The following PTK2 variants were observed in gnomAD, a reference collection of about 807,000 sequenced individuals.
PTK2 encodes focal adhesion kinase 1.
A neutral mutation model predicts 150.1 loss-of-function variants in PTK2; 45 were observed. That is an observed-to-expected ratio of 0.30 (90% CI 0.24 to 0.38). The LOEUF (loss-of-function observed/expected upper bound fraction) is 0.38. PTK2 is among the 10% of genes least tolerant of loss of function. The pLI is 1.00. For missense variants in PTK2, 919 were observed against 1,307.3 expected (o/e 0.70, Z 4.58); for synonymous variants, 432 against 449.2 (o/e 0.96, Z 0.48).
chr8:140,755,672 C>T (rs987783274), intron 16 of PTK2, among the ~76,000 whole-genome samples: 2 of 152,120 alleles, frequency 1.3e-5, no homozygotes, highest in Non-Finnish European at 2.9e-5. Context: ...ATTTAGCGTA[C>T]GTCTTTTTTG....
chr8:140,793,433 G>C (rs373135941), intron 12 of PTK2, 49 bp from the exon 13 acceptor site: 2 of 1,588,858 alleles, frequency 1.3e-6, no homozygotes, highest in Non-Finnish European at 1.7e-6. Flanking sequence ...CACTCCTTTT[G>C]AAAAGATGGT....
intron 5 of PTK2, among the ~76,000 whole-genome samples, chr8:140,855,696 A>G (rs927641788): frequency 5.3e-5 from 8 of 152,226 alleles, no homozygotes; most frequent in African/African-American, 1.9e-4. Context: ...ACAAAGGACT[A>G]GTATACAAGG....
At chr8:140,718,823 C>G (rs1327245598) in intron 22 of PTK2, 1 of 152,204 alleles carries the variant, frequency 6.6e-6, no homozygotes, top group African/African-American at 2.4e-5. Context: ...AGCAAACCAT[C>G]ACTACAGATG....
At position 140,743,833 on chromosome 8, in the gene PTK2, A is replaced by C. The variant is rs369342122; in HGVS notation, c.1635-503T>G. ...CGCTCTGTTGCCCAGGCTGGAGGGC[A>C]GTGGCACGATCTCGGCTTACTGCAA... is the stretch of plus-strand genomic sequence containing the variant. On this transcript the variant is annotated intron_variant, in intron 19 of 31. Coordinates refer to ENST00000522684, the Ensembl canonical transcript of PTK2. 2.1e-4 allele frequency among the ~76,000 whole-genome samples: 31 copies of C among 149,496 alleles called. No individual in the cohort carries two copies. In the East Asian group the frequency reaches 4.7e-3, roughly 23 times the overall value.
At chr8:140,830,376 A>G in intron 8 of PTK2, 96 bp downstream of exon 8, 1 of 742,810 alleles carries the variant, frequency 1.3e-6, no homozygotes, top group South Asian at 1.9e-5. Context: ...GTAAGGAAGG[A>G]AACTACATTT....
chr8:140,727,361 C>T (rs1001299090), intron 22 of PTK2, among the ~76,000 whole-genome samples: 1 of 151,874 alleles, frequency 6.6e-6, no homozygotes, highest in African/African-American at 2.4e-5. Context: ...GGGAAGACTG[C>T]GGGCCAAAAC....
chr8:140,782,464 T>C (rs901646527), intron 14 of PTK2, among the ~76,000 whole-genome samples: 12 of 152,114 alleles, frequency 7.9e-5, no homozygotes, highest in Admixed American at 4.6e-4. Flanking sequence ...TCTCAAACTC[T>C]TGGGCTCAAG....
intron 1 of PTK2, among the ~76,000 whole-genome samples, chr8:140,969,083 A>AC (rs1215484137): frequency 3.3e-5 from 5 of 152,242 alleles, no homozygotes; most frequent in African/African-American, 1.2e-4. Flanking sequence ...GAACAGAGTA[A>AC]CTGCAGAAGC....
intron 4 of PTK2, among the ~76,000 whole-genome samples, chr8:140,877,763 T>C (rs2100146543): frequency 6.6e-6 from 1 of 152,068 alleles, no homozygotes; most frequent in Non-Finnish European, 1.5e-5. Context: ...TAAATTTTTC[T>C]TCCTTTTGAG....
chr8:140,995,044 T>C (rs1461109416), intron 1 of PTK2, among the ~76,000 whole-genome samples: 5 of 149,286 alleles, frequency 3.3e-5, no homozygotes, highest in African/African-American at 5.0e-5. Flanking sequence ...GATCTCGCCA[T>C]TGCACTCCAT....
intron 1 of PTK2, among the ~76,000 whole-genome samples, chr8:140,996,912 A>G (rs1219206597): frequency 6.6e-6 from 1 of 152,238 alleles, no homozygotes; most frequent in Non-Finnish European, 1.5e-5. Context: ...AATATATTTC[A>G]TAAGGGTATA....
At chr8:140,870,169 A>G (rs1016359708) in intron 4 of PTK2, among the ~76,000 whole-genome samples, 1 of 152,212 alleles carries the variant, frequency 6.6e-6, no homozygotes, top group African/African-American at 2.4e-5. Context: ...AGTCAACACC[A>G]TAAAATTGTT....
chr8:140,701,616 T>A (rs975696668), intron 25 of PTK2, among the ~76,000 whole-genome samples: 3 of 152,122 alleles, frequency 2.0e-5, no homozygotes, highest in Non-Finnish European at 2.9e-5. Context: ...CCAAGAAAAT[T>A]TAGTAAAAAT....
chr8:140,766,718 G>A (rs552097217), intron 14 of PTK2, among the ~76,000 whole-genome samples: 121 of 151,286 alleles, frequency 8.0e-4, no homozygotes, highest in African/African-American at 2.9e-3. Flanking sequence ...CTGAGGCAAA[G>A]GATTTAATCT....
chr8:140,885,084 T>C (rs1339602184), intron 3 of PTK2, among the ~76,000 whole-genome samples: 1 of 152,200 alleles, frequency 6.6e-6, no homozygotes, highest in African/African-American at 2.4e-5. Context: ...CATACAGTAT[T>C]TGCCCAGTAC....
At chr8:140,769,675 G>C in intron 14 of PTK2, 83 bp from the exon 16 acceptor site, 10 of 822,468 alleles carry the variant, frequency 1.2e-5, no homozygotes, top group African/African-American at 1.8e-5. Flanking sequence ...GGAAGAGAGG[G>C]GAAAACACTA....
rs187322174 is a variant in PTK2 at position 140,658,723 on chromosome 8, T to A, written c.*743A>T. ...ACTTCTCCTCAATGCAGTTTGGAGG[T>A]GCTCTGGTACAAAGCATTTCTGCTT... On this transcript the variant is annotated 3_prime_UTR_variant, in exon 32 of 32. Coordinates refer to ENST00000522684, the Ensembl canonical transcript of PTK2. 280 of 218,824 alleles carry A rather than the reference T, an allele frequency of 1.3e-3. 1 individual carries two copies. Among genetic ancestry groups the A allele is most frequent in the Non-Finnish European group, 1.1e-3 (119 of 108,902 alleles). 13.6% of individuals were successfully genotyped at this position (218,824 alleles called of 1,614,324 possible).
At chr8:140,686,010 TA>T (rs958389634) in intron 27 of PTK2, among the ~76,000 whole-genome samples, 1 of 152,208 alleles carries the variant, frequency 6.6e-6, no homozygotes, top group African/African-American at 2.4e-5. Context: ...ATAGACTGGA[TA>T]AAGAAAATGT....
At chr8:140,877,550 T>C (rs1214663655) in intron 4 of PTK2, among the ~76,000 whole-genome samples, 1 of 152,146 alleles carries the variant, frequency 6.6e-6, no homozygotes, top group African/African-American at 2.4e-5. Context: ...TCCTAGGGTT[T>C]GGGGACAGTT....
Sources: allele counts gnomAD v4.1 joint callset (sites outside exome capture counted in the v4.1 genomes callset), GRCh38; gene constraint gnomAD v4.1.1; transcripts MANE v1.5; gene names NCBI Gene and HGNC (gene_info 2026-07-23, HGNC 2026-07-21).